Variants in PDE4DIP observed in about 807,000 individuals in gnomAD.
The protein encoded by PDE4DIP is phosphodiesterase 4D interacting protein.
PDE4DIP carries 59 observed loss-of-function variants against 221.4 expected under a neutral mutation model. That is an observed-to-expected ratio of 0.27 (90% confidence interval 0.22 to 0.33). The LOEUF (loss-of-function observed/expected upper bound fraction) is 0.33. Ranked by LOEUF, PDE4DIP falls within the 10% of genes least tolerant of loss-of-function variation. The probability of loss-of-function intolerance (pLI) is 1.00; values close to 1 mark genes in which losing one functional copy is unlikely to be tolerated. For synonymous variants in PDE4DIP, 404 were observed against 815.9 expected (o/e 0.50, Z 8.60); for missense variants, 1,036 against 2,154.2 (o/e 0.48, Z 10.28).
At chr1:148,952,747 G>GCCT (rs765186109) in intron 5 of PDE4DIP, 1 of 1,309,906 alleles carries the variant, frequency 7.6e-7, no homozygotes, top group Non-Finnish European at 1.0e-6. Context: ...CGCCGCCGCC[G>GCCT]CCTCGGGAAG....
chr1:148,996,605 C>T (rs2064281696), intron 22 of PDE4DIP, among the ~76,000 whole-genome samples: 1 of 152,084 alleles, frequency 6.6e-6, no homozygotes, highest in Non-Finnish European at 1.5e-5. Context: ...TCTTCACAAC[C>T]TCAACTGCTA....
chr1:148,998,043 T>C (rs2064715414), intron 22 of PDE4DIP, 100 bp from the exon 26 acceptor site: 1 of 669,498 alleles, frequency 1.5e-6, no homozygotes, highest in South Asian at 2.2e-5. Context: ...CTGCTTTTTT[T>C]GTTTGTTTTT....
chr1:148,929,182 CTG>C lies in PDE4DIP; in HGVS notation c.142-9_142-8del, dbSNP rs1276680521. On this transcript the variant is annotated splice_polypyrimidine_tract_variant and intron_variant, in intron 1 of 43. Transcript: ENST00000369354. ...TGTGGCAGTTAATAACGATTAATGC[CTG>C]TGTGTTTTTCAGAACATTGAGCTGA... 2 of 1,613,226 alleles carry C rather than the reference CTG, an allele frequency of 1.2e-6. No individual in the cohort carries two copies. The highest frequency in any genetic ancestry group is 1.7e-6 in the Non-Finnish European group (2 of 1,179,556).
At chr1:148,985,819 ATGT>A (rs1397589817) in intron 21 of PDE4DIP, 11 of 152,290 alleles carry the variant, frequency 7.2e-5, no homozygotes, top group Middle Eastern at 3.4e-3. Context: ...ACATCAGAAA[ATGT>A]TGTATTTAAA....
At chr1:148,971,723 A>G (rs2059254181) in intron 14 of PDE4DIP, among the ~76,000 whole-genome samples, 1 of 152,174 alleles carries the variant, frequency 6.6e-6, no homozygotes, top group African/African-American at 2.4e-5. Context: ...TGTTTTGGAT[A>G]GGATACGCAG....
intron 1 of PDE4DIP, among the ~76,000 whole-genome samples, chr1:148,920,118 T>A (rs1478898500): frequency 7.9e-5 from 11 of 139,568 alleles, no homozygotes; most frequent in Non-Finnish European, 1.5e-4. Context: ...AAAAACTATT[T>A]ATTTTTTTTT....
chr1:148,983,230 C>T (rs1273370473), intron 21 of PDE4DIP: 1 of 152,062 alleles, frequency 6.6e-6, no homozygotes, highest in African/African-American at 2.4e-5. Flanking sequence ...TTTGTCGTGT[C>T]ATTACAACAA....
At chr1:149,012,847 G>A in intron 32 of PDE4DIP, 71 bp downstream of exon 35, 1 of 851,188 alleles carries the variant, frequency 1.2e-6, no homozygotes, top group South Asian at 2.1e-5. Context: ...GGCTCGGGCT[G>A]GATGGCAGAG....
At chr1:148,989,680 C>T (rs1170882827) in intron 21 of PDE4DIP, among the ~76,000 whole-genome samples, 1 of 152,086 alleles carries the variant, frequency 6.6e-6, no homozygotes, top group African/African-American at 2.4e-5. Context: ...CTTCTCTAGC[C>T]CCATGTTCAA....
intron 29 of PDE4DIP, among the ~76,000 whole-genome samples, chr1:149,009,096 T>TTTTTG (rs782041242): frequency 2.7e-5 from 4 of 145,662 alleles, no homozygotes; most frequent in Middle Eastern, 3.3e-3. Context: ...ACAGTGGTTT[T>TTTTTG]TTTTGTTTTG....
intron 22 of PDE4DIP, among the ~76,000 whole-genome samples, chr1:148,995,894 AAG>A (rs1223984302): frequency 1.4e-4 from 21 of 150,186 alleles, no homozygotes; most frequent in Non-Finnish European, 2.8e-4. Flanking sequence ...AAAATAAAAA[AAG>A]AAATAAAAAA....
intron 23 of PDE4DIP, among the ~76,000 whole-genome samples, chr1:149,000,041 C>T (rs1553572846): frequency 6.6e-6 from 1 of 151,824 alleles, no homozygotes; most frequent in African/African-American, 2.4e-5. Flanking sequence ...AATACCTATC[C>T]CCTTTTTCTT....
chr1:148,923,721 C>T (rs1346886875), intron 1 of PDE4DIP, among the ~76,000 whole-genome samples: 1 of 145,818 alleles, frequency 6.9e-6, no homozygotes, highest in Non-Finnish European at 1.5e-5. Context: ...GATCTGCCCG[C>T]CTCGGCCTCC....
chr1:148,955,204 C>T (rs1223028964), intron 5 of PDE4DIP, among the ~76,000 whole-genome samples: 1 of 152,202 alleles, frequency 6.6e-6, no homozygotes, highest in East Asian at 1.9e-4. Flanking sequence ...AGTGGAGCCT[C>T]GCAGCTAAAT....
intron 22 of PDE4DIP, among the ~76,000 whole-genome samples, chr1:148,995,808 T>A (rs1239593601): frequency 2.0e-5 from 3 of 150,836 alleles, no homozygotes; most frequent in Admixed American, 1.3e-4. Flanking sequence ...TATGTATACA[T>A]GTGCCATGCT....
intron 1 of PDE4DIP, among the ~76,000 whole-genome samples, chr1:148,890,198 GTA>G (rs1553435394): frequency 8.5e-3 from 425 of 49,866 alleles, no homozygotes; most frequent in South Asian, 0.024. Flanking sequence ...GGTTTAAAAT[GTA>G]GATTCCATGC....
intron 1 of PDE4DIP, among the ~76,000 whole-genome samples, chr1:148,862,261 GC>G (rs1684584233): frequency 6.6e-6 from 1 of 151,146 alleles, no homozygotes; most frequent in South Asian, 2.1e-4. Context: ...TTCCATGAGT[GC>G]AGGGATTTTT....
chr1:148,958,702 AAT>A (rs1365371018), intron 5 of PDE4DIP, among the ~76,000 whole-genome samples: 1 of 150,724 alleles, frequency 6.6e-6, no homozygotes, highest in African/African-American at 2.4e-5. Flanking sequence ...CTCAGATAAT[AAT>A]GTTATCTCAT....
chr1:149,031,425 A>T (rs1553637507), intron 43 of PDE4DIP, among the ~76,000 whole-genome samples: 16 of 151,320 alleles, frequency 1.1e-4, no homozygotes. Flanking sequence ...AGACTGCTGC[A>T]CCCTCATCTG....
Sources: gnomAD v4.1 joint callset for allele counts (sites outside exome capture counted in the v4.1 genomes callset) on GRCh38, gnomAD v4.1.1 for gene constraint, MANE v1.5 for transcripts, NCBI Gene and HGNC (gene_info 2026-07-23, HGNC 2026-07-21) for gene names.